Variants in OSBPL9 observed in about 807,000 individuals in gnomAD.
OSBPL9 encodes oxysterol-binding protein-related protein 9.
Under a neutral mutation model 106.6 loss-of-function variants are expected in OSBPL9, and 40 were observed. That is an observed-to-expected ratio of 0.38 (90% CI 0.29 to 0.49). The LOEUF is 0.49. OSBPL9 is among the 20% of genes least tolerant of loss of function. The probability of loss-of-function intolerance (pLI) is 0.97; values close to 1 mark genes in which losing one functional copy is unlikely to be tolerated. For missense variants in OSBPL9, 609 were observed against 887.2 expected, an observed-to-expected ratio of 0.69 and a Z score of 3.98; for synonymous variants, 269 against 295.4, an observed-to-expected ratio of 0.91 and a Z score of 0.92.
chr1:51,694,646 A>G (rs1343561474), intron 3 of OSBPL9, among the ~76,000 whole-genome samples: 4 of 152,206 alleles, frequency 2.6e-5, no homozygotes, highest in African/African-American at 9.7e-5. Flanking sequence ...ATGAGTTTGT[A>G]ACATCATGCG....
intron 20 of OSBPL9, chr1:51,784,862 G>C (rs115298490): frequency 4.9e-6 from 2 of 409,530 alleles, no homozygotes; most frequent in Non-Finnish European, 8.7e-6. Flanking sequence ...AGCTAAACCA[G>C]ATTATGGATC....
At chr1:51,564,855 G>C in the OSBPL9 span, among the ~76,000 whole-genome samples, 3 of 152,156 alleles carry the variant, frequency 2.0e-5, no homozygotes, top group Non-Finnish European at 4.4e-5. Flanking sequence ...CCAAGTCCTT[G>C]AGCCAAGCCA....
chr1:51,635,169 G>A (rs1049900173), intron 1 of OSBPL9, among the ~76,000 whole-genome samples: 3 of 152,148 alleles, frequency 2.0e-5, no homozygotes, highest in Non-Finnish European at 4.4e-5. Flanking sequence ...CGAAAAGTGT[G>A]TCAAGAGCAG....
At chr1:51,661,781 A>C (rs539693869) in intron 2 of OSBPL9, among the ~76,000 whole-genome samples, 1 of 152,332 alleles carries the variant, frequency 6.6e-6, no homozygotes, top group African/African-American at 2.4e-5. Flanking sequence ...ATAATCAAAA[A>C]AATACTCTAA....
At chr1:51,659,452 G>A (rs1647005981) in intron 2 of OSBPL9, among the ~76,000 whole-genome samples, 1 of 151,992 alleles carries the variant, frequency 6.6e-6, no homozygotes, top group Non-Finnish European at 1.5e-5. Context: ...TTACAAGACA[G>A]ATTGAGAATT....
chr1:51,704,790 A>G (rs1331813807), intron 3 of OSBPL9, among the ~76,000 whole-genome samples: 1 of 152,172 alleles, frequency 6.6e-6, no homozygotes, highest in Non-Finnish European at 1.5e-5. Context: ...TAATACTATG[A>G]CATTGAAGGT....
intron 1 of OSBPL9, among the ~76,000 whole-genome samples, chr1:51,647,869 C>T (rs112178719): frequency 0.13 from 19,079 of 152,044 alleles, 1,339 homozygotes; most frequent in Middle Eastern, 0.22. Flanking sequence ...AGTCCCAGCA[C>T]TTTGGGAGGC....
intron 3 of OSBPL9, among the ~76,000 whole-genome samples, chr1:51,673,808 G>A (rs1164080481): frequency 1.3e-5 from 2 of 152,048 alleles, no homozygotes; most frequent in African/African-American, 4.8e-5. Flanking sequence ...GTTTAAGACT[G>A]TAGTGTTCTA....
In OSBPL9 at chr1:51,750,602, G is replaced by A. The variant is rs1424199831; in HGVS notation, c.543+407G>A. On this transcript the variant is annotated intron_variant, in intron 8 of 23. Coordinates refer to ENST00000428468, the MANE Select transcript of OSBPL9 (RefSeq NM_024586.6). ...TTAAATTTTTACGGATTTTTTTCTG[G>A]TAGTGAACTACGTTAGTGGATTTTA... Among the ~76,000 whole-genome samples the A allele has an allele frequency of 3.3e-5, 5 of 152,054 alleles. 1 individual carries two copies. The highest frequency in any genetic ancestry group is 4.1e-4 in the South Asian group (2 of 4,820).
At chr1:51,568,483 C>A in the OSBPL9 span, among the ~76,000 whole-genome samples, 5 of 152,200 alleles carry the variant, frequency 3.3e-5, no homozygotes, top group Admixed American at 2.0e-4. Flanking sequence ...TAGAGATCAT[C>A]AGTGTCTCTG....
intron 4 of OSBPL9, among the ~76,000 whole-genome samples, chr1:51,732,537 C>A (rs1018888028): frequency 5.3e-5 from 8 of 152,214 alleles, no homozygotes; most frequent in Admixed American, 1.3e-4. Flanking sequence ...TTCTACCACA[C>A]ACAGGCATTT....
intron 2 of OSBPL9, among the ~76,000 whole-genome samples, chr1:51,599,643 C>G (rs1325229655): frequency 6.6e-6 from 1 of 152,026 alleles, no homozygotes; most frequent in African/African-American, 2.4e-5. Flanking sequence ...ATTCTACAAG[C>G]TGATAAAATG....
chr1:51,534,620 G>A, the OSBPL9 span, among the ~76,000 whole-genome samples: 1 of 152,188 alleles, frequency 6.6e-6, no homozygotes, highest in African/African-American at 2.4e-5. Context: ...CCCAGGGAGA[G>A]GAAGCCACAA....
At chr1:51,721,859 C>T (rs1346391079) in intron 4 of OSBPL9, among the ~76,000 whole-genome samples, 2 of 152,084 alleles carry the variant, frequency 1.3e-5, no homozygotes, top group Non-Finnish European at 2.9e-5. Flanking sequence ...GAGAAGTAGC[C>T]AGTTAAATAG....
intron 3 of OSBPL9, among the ~76,000 whole-genome samples, chr1:51,683,237 A>G (rs1350969040): frequency 2.0e-5 from 3 of 151,474 alleles, no homozygotes; most frequent in East Asian, 2.0e-4. Context: ...CTGGAGTGCA[A>G]TGGTGCGATC....
At chr1:51,572,390 A>G (rs1194318372), upstream of OSBPL9, among the ~76,000 whole-genome samples, 1 of 152,134 alleles carries the variant, frequency 6.6e-6, no homozygotes, top group Non-Finnish European at 1.5e-5. Context: ...ATCTCCATCT[A>G]GTATTGAAGC....
chr1:51,675,376 T>A (rs59150556), intron 3 of OSBPL9, among the ~76,000 whole-genome samples: 6,815 of 151,248 alleles, frequency 0.045, 318 homozygotes, highest in African/African-American at 0.12. Flanking sequence ...TTAATTTATT[T>A]ATTTATTTAT....
At chr1:51,596,258 C>CAAAA (rs35791042) in intron 1 of OSBPL9, among the ~76,000 whole-genome samples, 1 of 48,342 alleles carries the variant, frequency 2.1e-5, no homozygotes, top group Non-Finnish European at 3.9e-5. Flanking sequence ...GACGCTGTCT[C>CAAAA]AAAAAAAAAA....
intron 3 of OSBPL9, among the ~76,000 whole-genome samples, chr1:51,697,022 T>C (rs950328226): frequency 1.3e-5 from 2 of 152,000 alleles, no homozygotes; most frequent in Admixed American, 1.3e-4. Flanking sequence ...TAGCTGGGCG[T>C]AGTGGCTTGT....
Sources: allele counts gnomAD v4.1 joint callset (sites outside exome capture counted in the v4.1 genomes callset), GRCh38; gene constraint gnomAD v4.1.1; transcripts MANE v1.5; gene names NCBI Gene and HGNC (gene_info 2026-07-23, HGNC 2026-07-21).